ARHGAP42: variants seen among roughly 807,000 people sequenced by gnomAD.
ARHGAP42 encodes the protein Rho GTPase activating protein 42.
ARHGAP42 carries 63 observed loss-of-function variants against 125.0 expected under a neutral mutation model. The ratio of observed to expected loss-of-function variants is 0.50; its 90% CI spans 0.41 to 0.62. The LOEUF is 0.62. Ranked by LOEUF, ARHGAP42 falls within the 20% of genes least tolerant of loss-of-function variation. The probability of loss-of-function intolerance (pLI) is 0.00; values close to 1 mark genes in which losing one functional copy is unlikely to be tolerated. For synonymous variants in ARHGAP42, 339 were observed against 351.0 expected (o/e 0.97, Z 0.38); for missense variants, 766 against 1,024.2 (o/e 0.75, Z 3.44).
chr11:100,949,043 CA>C (rs1868101664), intron 11 of ARHGAP42, among the ~76,000 whole-genome samples: 1 of 152,162 alleles, frequency 6.6e-6, no homozygotes, highest in South Asian at 2.1e-4. Flanking sequence ...AGTCTACTTA[CA>C]AAAAATAGGA....
intron 4 of ARHGAP42, among the ~76,000 whole-genome samples, chr11:100,902,749 ATTGGCTCC>A (rs1453788076): frequency 2.6e-5 from 4 of 152,192 alleles, no homozygotes; most frequent in African/African-American, 9.6e-5. Context: ...TTCAGGGCAC[ATTGGCTCC>A]TTCCATCACG....
chr11:100,817,720 T>G (rs1864301765), intron 3 of ARHGAP42, among the ~76,000 whole-genome samples: 1 of 152,190 alleles, frequency 6.6e-6, no homozygotes, highest in Non-Finnish European at 1.5e-5. Flanking sequence ...TGACTGTTAT[T>G]ATTCCAATTT....
chr11:100,797,311 T>C (rs1182102383), intron 3 of ARHGAP42, among the ~76,000 whole-genome samples: 1 of 152,214 alleles, frequency 6.6e-6, no homozygotes, highest in Non-Finnish European at 1.5e-5. Context: ...CAAAACAGCC[T>C]TCCCTTGGAA....
At chr11:100,714,321 A>G (rs893270765) in intron 1 of ARHGAP42, among the ~76,000 whole-genome samples, 42 of 152,226 alleles carry the variant, frequency 2.8e-4, no homozygotes, top group African/African-American at 9.6e-4. Context: ...ACTAAACTTT[A>G]TAAAAACATT....
At chr11:100,979,329 T>C (rs1025021452) in intron 22 of ARHGAP42, among the ~76,000 whole-genome samples, 1 of 152,192 alleles carries the variant, frequency 6.6e-6, no homozygotes, top group African/African-American at 2.4e-5. Flanking sequence ...ACATCTTTGA[T>C]GACAGTCATT....
intron 4 of ARHGAP42, among the ~76,000 whole-genome samples, chr11:100,909,492 C>T (rs980586338): frequency 1.3e-5 from 2 of 151,862 alleles, no homozygotes; most frequent in Non-Finnish European, 2.9e-5. Context: ...TACAAATGCC[C>T]GTCGCCATGC....
intron 9 of ARHGAP42, among the ~76,000 whole-genome samples, chr11:100,943,097 C>T (rs1012984852): frequency 1.6e-4 from 25 of 151,836 alleles, no homozygotes; most frequent in African/African-American, 5.6e-4. Flanking sequence ...GTTTTAGTAG[C>T]GGTGTAGCAG....
intron 22 of ARHGAP42, among the ~76,000 whole-genome samples, chr11:100,980,554 T>C (rs1858509043): frequency 1.4e-5 from 1 of 72,596 alleles, no homozygotes; most frequent in African/African-American, 7.6e-5. Context: ...CTTCTTTTTC[T>C]TCTTCTTTTT....
chr11:100,726,828 C>A (rs1861870667), intron 1 of ARHGAP42, among the ~76,000 whole-genome samples: 1 of 152,194 alleles, frequency 6.6e-6, no homozygotes, highest in Admixed American at 6.5e-5. Flanking sequence ...GGGTGAACTT[C>A]TCTGTGGTGC....
chr11:100,808,649 C>T (rs1000143643), intron 3 of ARHGAP42, among the ~76,000 whole-genome samples: 1 of 151,862 alleles, frequency 6.6e-6, no homozygotes, highest in Non-Finnish European at 1.5e-5. Context: ...TCATGATCCA[C>T]CCGCCTCGGC....
At chr11:100,865,113 T>C (rs1251571876) in intron 4 of ARHGAP42, among the ~76,000 whole-genome samples, 3 of 152,234 alleles carry the variant, frequency 2.0e-5, no homozygotes, top group Non-Finnish European at 4.4e-5. Flanking sequence ...GCTTGATTTC[T>C]TTATATTGTT....
intron 3 of ARHGAP42, among the ~76,000 whole-genome samples, chr11:100,821,950 C>T (rs939303480): frequency 1.3e-5 from 2 of 152,036 alleles, no homozygotes; most frequent in Admixed American, 6.6e-5. Context: ...ACGTTTCTTT[C>T]GATTTCTTCA....
chr11:100,924,681 G>GAAAT (rs1389583648), intron 6 of ARHGAP42, among the ~76,000 whole-genome samples: 1 of 151,518 alleles, frequency 6.6e-6, no homozygotes, highest in African/African-American at 2.4e-5. Flanking sequence ...AATAAATAAG[G>GAAAT]AAATAAATAA....
chr11:100,974,243 A>T (rs1476300894), intron 18 of ARHGAP42, among the ~76,000 whole-genome samples: 4 of 152,332 alleles, frequency 2.6e-5, no homozygotes, highest in African/African-American at 9.6e-5. Context: ...TCTTAAAGTT[A>T]TTGAAAGATC....
At chr11:100,888,337 A>G (rs969314752) in intron 4 of ARHGAP42, among the ~76,000 whole-genome samples, 1 of 152,178 alleles carries the variant, frequency 6.6e-6, no homozygotes, top group African/African-American at 2.4e-5. Flanking sequence ...TTTCTTGTAA[A>G]GTGCCAAAAT....
chr11:100,830,444 A>G (rs1028331565), intron 3 of ARHGAP42, among the ~76,000 whole-genome samples: 1 of 152,204 alleles, frequency 6.6e-6, no homozygotes, highest in African/African-American at 2.4e-5. Context: ...TGCTGAGAAC[A>G]GAATGATTGC....
intron 1 of ARHGAP42, among the ~76,000 whole-genome samples, chr11:100,732,557 T>G (rs1861979063): frequency 6.6e-6 from 1 of 152,198 alleles, no homozygotes; most frequent in Non-Finnish European, 1.5e-5. Context: ...CTTCTCTAGA[T>G]CTTCAAGCAT....
chr11:100,767,650 T>C (rs1862862171), intron 1 of ARHGAP42, among the ~76,000 whole-genome samples: 1 of 151,928 alleles, frequency 6.6e-6, no homozygotes, highest in Non-Finnish European at 1.5e-5. Flanking sequence ...GAACGCTTGG[T>C]GGTGGCGAGG....
chr11:100,687,528 G>C lies in ARHGAP42; in HGVS notation c.-151G>C, dbSNP rs1169076667. The stretch of plus-strand genomic sequence containing the variant: ...GCCCGGCGCAGGCGGCGCGGCGCTC[G>C]GGGCCCGTTTCCTCCGCGCAATCAG... On this transcript the variant is annotated 5_prime_UTR_variant, in exon 1 of 24. Transcript: ENST00000298815. 5 of 461,556 alleles carry C rather than the reference G, an allele frequency of 1.1e-5. No individual in the cohort carries two copies. Among genetic ancestry groups the C allele is most frequent in the Non-Finnish European group, 1.5e-5 (5 of 324,088 alleles). 28.6% of individuals were successfully genotyped at this position (461,556 alleles called of 1,614,324 possible). A position where few individuals can be genotyped will look rare whatever the true frequency, so the allele number is the denominator to read the frequency against.
Sources: allele counts gnomAD v4.1 joint callset (sites outside exome capture counted in the v4.1 genomes callset), GRCh38; gene constraint gnomAD v4.1.1; transcripts MANE v1.5; gene names NCBI Gene and HGNC (gene_info 2026-07-23, HGNC 2026-07-21).